The following SLC14A2 variants were observed in gnomAD, a reference collection of about 807,000 sequenced individuals.
SLC14A2 encodes urea transporter 2.
A neutral mutation model predicts 104.6 loss-of-function variants in SLC14A2; 91 were observed. The ratio of observed to expected loss-of-function variants is 0.87; its 90% confidence interval spans 0.73 to 1.04. The LOEUF is 1.04. Ranked by LOEUF, SLC14A2 falls within the 50% of genes least tolerant of loss-of-function variation. The probability of loss-of-function intolerance (pLI) is 0.00; values close to 1 mark genes in which losing one functional copy is unlikely to be tolerated. For synonymous variants in SLC14A2, 476 were observed against 466.4 expected (o/e 1.02, Z -0.27); for missense variants, 1,189 against 1,156.0 (o/e 1.03, Z -0.41).
chr18:45,429,140 G>A (rs985666909), intron 1 of SLC14A2, among the ~76,000 whole-genome samples: 2 of 152,178 alleles, frequency 1.3e-5, no homozygotes, highest in Non-Finnish European at 2.9e-5. Flanking sequence ...ATTGACGCCA[G>A]AGTTCCATAT....
chr18:45,675,355 G>A (rs183628074), intron 18 of SLC14A2, among the ~76,000 whole-genome samples: 1 of 152,134 alleles, frequency 6.6e-6, no homozygotes, highest in Admixed American at 6.6e-5. Flanking sequence ...TGGTGCCTGA[G>A]GCTAAGGGAG....
intron 1 of SLC14A2, among the ~76,000 whole-genome samples, chr18:45,437,026 C>T (rs1337351467): frequency 6.6e-6 from 1 of 152,180 alleles, no homozygotes; most frequent in African/African-American, 2.4e-5. Flanking sequence ...TGGAGCCCCT[C>T]TTCTGAATAA....
intron 2 of SLC14A2, among the ~76,000 whole-genome samples, chr18:45,519,073 C>A (rs1047638646): frequency 6.6e-6 from 1 of 152,138 alleles, no homozygotes; most frequent in African/African-American, 2.4e-5. Flanking sequence ...CTAGAGTATA[C>A]CCACACTGTA....
At chr18:45,581,650 A>G (rs550142480) in intron 2 of SLC14A2, among the ~76,000 whole-genome samples, 180 of 152,270 alleles carry the variant, frequency 1.2e-3, no homozygotes, top group African/African-American at 4.1e-3. Flanking sequence ...CTCAGAATGG[A>G]TATAATAATA....
intron 1 of SLC14A2, among the ~76,000 whole-genome samples, chr18:45,377,663 G>T (rs993802573): frequency 6.6e-6 from 1 of 151,960 alleles, no homozygotes; most frequent in African/African-American, 2.4e-5. Flanking sequence ...TGGCCACTTT[G>T]GTTTGGCTGT....
intron 1 of SLC14A2, among the ~76,000 whole-genome samples, chr18:45,215,843 T>A (rs1432935247): frequency 8.5e-6 from 1 of 117,726 alleles, no homozygotes; most frequent in Non-Finnish European, 2.0e-5. Flanking sequence ...TATAATGGTA[T>A]TTTTTTTTGG....
chr18:45,621,121 T>G (rs1012375758), intron 1 of SLC14A2, among the ~76,000 whole-genome samples: 9 of 152,222 alleles, frequency 5.9e-5, no homozygotes, highest in African/African-American at 2.2e-4. Context: ...GGGAAATTTT[T>G]ACCAAGGGCC....
At chr18:45,365,333 T>C (rs995762989) in intron 1 of SLC14A2, among the ~76,000 whole-genome samples, 2 of 152,256 alleles carry the variant, frequency 1.3e-5, no homozygotes, top group African/African-American at 2.4e-5. Context: ...AACTTCTTAC[T>C]ATATGTACCC....
chr18:45,390,716 T>C (rs1475084160), intron 1 of SLC14A2, among the ~76,000 whole-genome samples: 2 of 152,112 alleles, frequency 1.3e-5, no homozygotes, highest in Non-Finnish European at 2.9e-5. Context: ...AAGGGAATGA[T>C]CACAATTGCT....
At chr18:45,624,965 C>A (rs1270231743) in intron 2 of SLC14A2, 151 bp downstream of exon 2, 1 of 722,710 alleles carries the variant, frequency 1.4e-6, no homozygotes, top group African/African-American at 1.8e-5. Flanking sequence ...TGGGTCCTAC[C>A]TGGCCTTAGA....
intron 2 of SLC14A2, among the ~76,000 whole-genome samples, chr18:45,520,108 G>T (rs1447652920): frequency 1.3e-5 from 2 of 152,102 alleles, no homozygotes; most frequent in South Asian, 4.1e-4. Flanking sequence ...AACCATATTT[G>T]GTATGTCTTT....
intron 1 of SLC14A2, among the ~76,000 whole-genome samples, chr18:45,312,837 C>A (rs545574492): frequency 6.6e-6 from 1 of 152,342 alleles, no homozygotes; most frequent in African/African-American, 2.4e-5. Flanking sequence ...CACCCCACCC[C>A]CTCCCCAGCT....
intron 1 of SLC14A2, among the ~76,000 whole-genome samples, chr18:45,399,682 C>T (rs1482246994): frequency 6.6e-6 from 1 of 151,986 alleles, no homozygotes; most frequent in Admixed American, 6.6e-5. Context: ...CCATTTGTAT[C>T]TATTTCTTTC....
chr18:45,406,612 A>G (rs537191222), intron 1 of SLC14A2, among the ~76,000 whole-genome samples: 1 of 152,176 alleles, frequency 6.6e-6, no homozygotes, highest in Admixed American at 6.5e-5. Context: ...TGTGGAAGCT[A>G]TAGCTTTACC....
At chr18:45,228,247 A>C (rs1042900060) in intron 1 of SLC14A2, among the ~76,000 whole-genome samples, 5 of 152,192 alleles carry the variant, frequency 3.3e-5, no homozygotes, top group African/African-American at 1.2e-4. Context: ...AGGTCATTGG[A>C]AAAGAATATT....
the SLC14A2 span, among the ~76,000 whole-genome samples, chr18:45,173,371 A>T: frequency 6.6e-6 from 1 of 152,146 alleles, no homozygotes; most frequent in Non-Finnish European, 1.5e-5. Context: ...TCAAGTATGG[A>T]AATTCAGTAT....
At chr18:45,628,000 CAAAAAA>C (rs58009345) in intron 4 of SLC14A2, among the ~76,000 whole-genome samples, 4 of 83,642 alleles carry the variant, frequency 4.8e-5, no homozygotes, top group African/African-American at 1.8e-4. Flanking sequence ...AAGACTTTCT[CAAAAAA>C]AAAAAAAAAA....
chr18:45,630,707 A>G (rs2045329890), intron 4 of SLC14A2, among the ~76,000 whole-genome samples: 2 of 152,190 alleles, frequency 1.3e-5, no homozygotes, highest in Admixed American at 6.5e-5. Flanking sequence ...CACACTAAAA[A>G]TAATGATTTT....
chr18:45,583,316 A>C (rs2044523947), intron 2 of SLC14A2, among the ~76,000 whole-genome samples: 1 of 152,152 alleles, frequency 6.6e-6, no homozygotes, highest in African/African-American at 2.4e-5. Flanking sequence ...GATCCAGCTC[A>C]AACAGCCCTT....
Sources: allele counts gnomAD v4.1 joint callset (sites outside exome capture counted in the v4.1 genomes callset), GRCh38; gene constraint gnomAD v4.1.1; transcripts MANE v1.5; gene names NCBI Gene and HGNC (gene_info 2026-07-23, HGNC 2026-07-21).